UNC13B: variants seen among roughly 807,000 people sequenced by gnomAD.
UNC13B encodes unc-13 homolog B, also known as protein unc-13 homolog B.
A neutral mutation model predicts 211.0 loss-of-function variants in UNC13B; 144 were observed. The ratio of observed to expected loss-of-function variants is 0.68; its 90% CI spans 0.60 to 0.78. The LOEUF (loss-of-function observed/expected upper bound fraction) is 0.78, where lower values mean the gene tolerates loss of function less well. UNC13B is among the 30% of genes least tolerant of loss of function. The pLI, the probability that UNC13B is intolerant of heterozygous loss-of-function variation, is 0.00. For missense variants in UNC13B, 1,777 were observed against 2,002.0 expected (o/e 0.89, Z 2.14); for synonymous variants, 709 against 725.8 (o/e 0.98, Z 0.37).
At chr9:35,298,720 C>A (rs579461) in intron 8 of UNC13B, among the ~76,000 whole-genome samples, 53,855 of 152,064 alleles carry the variant, frequency 0.35, 9,972 homozygotes, top group African/African-American at 0.46. Flanking sequence ...ACACTGAACT[C>A]ATAAGCTCCT....
In UNC13B at chr9:35,381,511, C is replaced by A. The variant is rs1276492445; in HGVS notation, c.10492-45C>A. On this transcript the variant is annotated intron_variant, in intron 19 of 39. Transcript: ENST00000635942. Reference sequence around the variant, plus strand: ...TACCACCAAGTTTGTTTTTGTCTTTCATATGTGTTTAACCCATTCCCTTTC... The same window carrying A: ...TACCACCAAGTTTGTTTTTGTCTTTAATATGTGTTTAACCCATTCCCTTTC... 2.6e-6 allele frequency: 4 copies of A among 1,566,262 alleles called. No homozygotes were observed. In the African/African-American group the frequency reaches 5.5e-5, roughly 21 times the overall value.
chr9:35,214,381 C>T (rs930914378), intron 1 of UNC13B, among the ~76,000 whole-genome samples: 4 of 152,038 alleles, frequency 2.6e-5, no homozygotes, highest in East Asian at 1.9e-4. Flanking sequence ...GAGTGGAGAT[C>T]GCACCACTGT....
rs1311245468 is a variant in UNC13B at position 35,403,429 on chromosome 9, T to C, written c.12578-11T>C. 1.2e-6 allele frequency: 2 copies of C among 1,612,838 alleles called. No individual in the cohort carries two copies. Among genetic ancestry groups the C allele is most frequent in the Admixed American group, 3.3e-5 (2 of 59,970 alleles). On this transcript the variant is annotated splice_polypyrimidine_tract_variant and intron_variant, in intron 38 of 39. Transcript: ENST00000635942. ...GGTGGGATCCCTCACAGGTTTCCCT[T>C]GTTTGGGCAGTGGTGGCTGCCAATG...
At chr9:35,332,841 C>T (rs1831449959) in intron 11 of UNC13B, among the ~76,000 whole-genome samples, 1 of 152,144 alleles carries the variant, frequency 6.6e-6, no homozygotes, top group African/African-American at 2.4e-5. Flanking sequence ...ATGTTAATCA[C>T]ATTGTCCTGG....
At chr9:35,199,046 T>A (rs1014699119) in intron 1 of UNC13B, among the ~76,000 whole-genome samples, 1 of 152,128 alleles carries the variant, frequency 6.6e-6, no homozygotes, top group African/African-American at 2.4e-5. Flanking sequence ...GTGTGTGATG[T>A]TCCCCACCCT....
At chr9:35,314,898 TTTTTG>T (rs1830370781) in intron 11 of UNC13B, among the ~76,000 whole-genome samples, 1 of 143,026 alleles carries the variant, frequency 7.0e-6, no homozygotes, top group Non-Finnish European at 1.5e-5. Context: ...TTTTTTTTTT[TTTTTG>T]AGTTCAGGTC....
At chr9:35,256,632 G>C (rs897868787) in intron 6 of UNC13B, among the ~76,000 whole-genome samples, 2 of 152,120 alleles carry the variant, frequency 1.3e-5, no homozygotes, top group African/African-American at 2.4e-5. Context: ...TGAATTATAT[G>C]AGTAGATTTT....
Position 35,313,969 on chromosome 9 carries a change from G to T in UNC13B, c.9394G>T (p.Val3132Phe). The T allele has an allele frequency of 1.2e-6, 2 of 1,613,754 alleles. No individual in the cohort carries two copies. The highest frequency in any genetic ancestry group is 1.7e-6 in the Non-Finnish European group (2 of 1,179,748). ...ACATTGGATCCGAGCAGTTACCAAG[G>T]TTCGACTCCAGCTGCAGGAGGTAGG... ...RAHWIRAVTK[V>F]RLQLQEIPDD... Residue 3132 changes from valine (V) to phenylalanine (F), a missense_variant, in exon 11 of 40, where the codon GTT becomes TTT. Coordinates refer to ENST00000635942, the MANE Select transcript of UNC13B (RefSeq NM_001371189.2).
chr9:35,282,037 G>C (rs1041448013), intron 7 of UNC13B, among the ~76,000 whole-genome samples: 1 of 152,164 alleles, frequency 6.6e-6, no homozygotes, highest in Non-Finnish European at 1.5e-5. Context: ...TTGAAGGCAA[G>C]GGGGAACCTT....
chr9:35,162,336 G>A (rs1424612747), intron 1 of UNC13B, 31 bp downstream of exon 1: 3 of 1,529,760 alleles, frequency 2.0e-6, no homozygotes, highest in East Asian at 2.5e-5. Flanking sequence ...GGGGAGGCGG[G>A]GTGTCGGCGT....
At chr9:35,329,726 C>T (rs1831259614) in intron 11 of UNC13B, among the ~76,000 whole-genome samples, 1 of 152,028 alleles carries the variant, frequency 6.6e-6, no homozygotes, top group African/African-American at 2.4e-5. Flanking sequence ...CAAGCTCAAA[C>T]AATCTGCCCC....
intron 1 of UNC13B, among the ~76,000 whole-genome samples, chr9:35,205,273 C>T (rs543158585): frequency 1.3e-5 from 2 of 152,214 alleles, no homozygotes; most frequent in Non-Finnish European, 2.9e-5. Flanking sequence ...TAAATCACCA[C>T]GTTTCAGGTA....
chr9:35,232,177 C>CTTTCTTTTTTTTTTTTTTTTT (rs1825243460), intron 3 of UNC13B, among the ~76,000 whole-genome samples: 1 of 31,536 alleles, frequency 3.2e-5, no homozygotes, highest in Admixed American at 3.7e-4. Flanking sequence ...TATATTGCTG[C>CTTTCTTTTTTTTTTTTTTTTT]TTTTTTTTTT....
At chr9:35,183,599 C>T (rs1043035392) in intron 1 of UNC13B, among the ~76,000 whole-genome samples, 1 of 148,460 alleles carries the variant, frequency 6.7e-6, no homozygotes, top group African/African-American at 2.5e-5. Context: ...GGCAGAGGCG[C>T]TCCTCACCTC....
intron 2 of UNC13B, among the ~76,000 whole-genome samples, chr9:35,230,165 A>G (rs1193869170): frequency 6.6e-6 from 1 of 152,010 alleles, no homozygotes; most frequent in Non-Finnish European, 1.5e-5. Flanking sequence ...CCTTTTCTCA[A>G]CTCTGTGATA....
chr9:35,177,376 A>G (rs1393211067), intron 1 of UNC13B, among the ~76,000 whole-genome samples: 1 of 152,204 alleles, frequency 6.6e-6, no homozygotes, highest in Non-Finnish European at 1.5e-5. Context: ...GGGCAGAAGT[A>G]TAGAAGTTTA....
intron 5 of UNC13B, among the ~76,000 whole-genome samples, chr9:35,241,002 A>G (rs1488104606): frequency 6.7e-6 from 1 of 149,414 alleles, no homozygotes; most frequent in African/African-American, 2.5e-5. Context: ...GGTTGCAGTG[A>G]GCTGAGATTC....
intron 1 of UNC13B, among the ~76,000 whole-genome samples, chr9:35,165,283 G>C (rs1338469549): frequency 6.6e-6 from 1 of 151,992 alleles, no homozygotes; most frequent in Non-Finnish European, 1.5e-5. Context: ...TTAACATAAA[G>C]AAGAACAGTT....
chr9:35,216,364 G>A (rs572057767), intron 1 of UNC13B, among the ~76,000 whole-genome samples: 3 of 152,258 alleles, frequency 2.0e-5, no homozygotes, highest in South Asian at 2.1e-4. Context: ...AAGAGAAGAC[G>A]ACAGACCAGC....
Sources: allele counts gnomAD v4.1 joint callset (sites outside exome capture counted in the v4.1 genomes callset), GRCh38; gene constraint gnomAD v4.1.1; transcripts MANE v1.5; gene names NCBI Gene and HGNC (gene_info 2026-07-23, HGNC 2026-07-21).